Variants in RASSF3 observed in about 807,000 individuals in gnomAD.
RASSF3 encodes the protein ras association domain-containing protein 3.
Under a neutral mutation model 19.9 loss-of-function variants are expected in RASSF3, and 19 were observed. The ratio of observed to expected loss-of-function variants is 0.96; its 90% CI spans 0.67 to 1.40. The LOEUF (loss-of-function observed/expected upper bound fraction) is 1.40, where lower values mean the gene tolerates loss of function less well. RASSF3 is among the 40% of genes most tolerant of loss of function. The probability of loss-of-function intolerance (pLI) is 0.00; values close to 1 mark genes in which losing one functional copy is unlikely to be tolerated. For missense variants in RASSF3, 306 were observed against 289.8 expected (o/e 1.06, Z -0.41); for synonymous variants, 110 against 104.2 (o/e 1.06, Z -0.34).
chr12:64,583,030 G>T (rs1869729834), intron 2 of RASSF3, among the ~76,000 whole-genome samples: 2 of 152,188 alleles, frequency 1.3e-5, no homozygotes, highest in South Asian at 4.1e-4. Flanking sequence ...AGAGAGCCCT[G>T]TACCTTTTGT....
At chr12:64,638,209 T>G (rs574731792) in intron 1 of RASSF3, among the ~76,000 whole-genome samples, 15 of 152,340 alleles carry the variant, frequency 9.8e-5, no homozygotes, top group African/African-American at 3.6e-4. Context: ...TTGTAAATAT[T>G]AATTTATTGA....
chr12:64,513,170 T>A (rs1868338504), intron 1 of RASSF3, among the ~76,000 whole-genome samples: 1 of 151,798 alleles, frequency 6.6e-6, no homozygotes, highest in African/African-American at 2.4e-5. Flanking sequence ...TCAGGCTGGG[T>A]GCAGTGGCTC....
intron 2 of RASSF3, 38 bp from the exon 3 acceptor site, chr12:64,688,178 T>C (rs370507483): frequency 4.1e-6 from 6 of 1,445,964 alleles, no homozygotes; most frequent in African/African-American, 1.4e-5. Flanking sequence ...AGTGCCACCA[T>C]CCACCCAGCT....
intron 1 of RASSF3, among the ~76,000 whole-genome samples, chr12:64,627,267 C>A (rs1871028401): frequency 6.6e-6 from 1 of 152,178 alleles, no homozygotes; most frequent in Admixed American, 6.5e-5. Context: ...TATTCTCCAT[C>A]TCTTCTATGT....
intron 1 of RASSF3, among the ~76,000 whole-genome samples, chr12:64,675,348 CA>C (rs1292508855): frequency 6.6e-6 from 1 of 152,020 alleles, no homozygotes; most frequent in African/African-American, 2.4e-5. Flanking sequence ...TGGGGTTTCG[CA>C]ATGTTGCCCA....
At chr12:64,672,703 G>A (rs1354666096) in intron 1 of RASSF3, among the ~76,000 whole-genome samples, 1 of 152,026 alleles carries the variant, frequency 6.6e-6, no homozygotes, top group African/African-American at 2.4e-5. Flanking sequence ...TCAGACGGTG[G>A]GGAGGCTCTT....
At chr12:64,516,841 A>G (rs940178852) in intron 1 of RASSF3, among the ~76,000 whole-genome samples, 6 of 151,630 alleles carry the variant, frequency 4.0e-5, no homozygotes, top group Non-Finnish European at 7.4e-5. Context: ...CTCTACTTAA[A>G]AGACAAAATT....
At chr12:64,585,763 C>G (rs575251240) in intron 2 of RASSF3, among the ~76,000 whole-genome samples, 1 of 151,958 alleles carries the variant, frequency 6.6e-6, no homozygotes, top group Non-Finnish European at 1.5e-5. Flanking sequence ...TGCCAGCAAG[C>G]CTGGTTAATT....
chr12:64,614,720 T>C (rs1392358720), intron 1 of RASSF3, among the ~76,000 whole-genome samples: 1 of 144,966 alleles, frequency 6.9e-6, no homozygotes, highest in African/African-American at 2.6e-5. Context: ...TTTTTTGAGA[T>C]AGATTCTTAC....
At chr12:64,636,825 A>G (rs1363798514) in intron 1 of RASSF3, among the ~76,000 whole-genome samples, 1 of 149,540 alleles carries the variant, frequency 6.7e-6, no homozygotes. Flanking sequence ...AAATCGCGCC[A>G]TTGCACTCCA....
chr12:64,553,235 G>T (rs1157515153), intron 2 of RASSF3, among the ~76,000 whole-genome samples: 2 of 152,104 alleles, frequency 1.3e-5, no homozygotes, highest in East Asian at 3.9e-4. Context: ...CGGTAACTTT[G>T]TTAATATCAT....
intron 1 of RASSF3, among the ~76,000 whole-genome samples, chr12:64,533,995 A>C (rs1391433754): frequency 1.3e-5 from 2 of 152,264 alleles, no homozygotes; most frequent in Non-Finnish European, 2.9e-5. Flanking sequence ...AATGTGGCTC[A>C]TGCCTGTAAT....
At chr12:64,666,628 ATACTT>A (rs1481076913) in intron 1 of RASSF3, among the ~76,000 whole-genome samples, 8 of 152,194 alleles carry the variant, frequency 5.3e-5, no homozygotes, top group Non-Finnish European at 8.8e-5. Flanking sequence ...TTCTAACAGA[ATACTT>A]TACAAAGCAG....
chr12:64,694,924 C>T lies in RASSF3; in HGVS notation c.*12C>T, dbSNP rs201698368. 104 of 1,613,190 alleles carry T rather than the reference C, an allele frequency of 6.4e-5. 2 individuals carry two copies. The Middle Eastern group carries it at 4.1e-3, about 64-fold the overall frequency. On this transcript the variant is annotated 3_prime_UTR_variant, in exon 5 of 5. Transcript: ENST00000542104. Reference sequence around the variant, plus strand: ...GGAAGCCTGATTAAAGCGGGGCTCCCTGCCCGTGAGGCCCGGTGCAGGACC... The same window carrying T: ...GGAAGCCTGATTAAAGCGGGGCTCCTTGCCCGTGAGGCCCGGTGCAGGACC...
chr12:64,576,967 G>A (rs1045022627), intron 2 of RASSF3, among the ~76,000 whole-genome samples: 11 of 152,036 alleles, frequency 7.2e-5, no homozygotes, highest in African/African-American at 2.4e-4. Flanking sequence ...TGGAAAATAT[G>A]AGTGCATCAG....
At chr12:64,598,006 C>T (rs2136143786) in intron 2 of RASSF3, among the ~76,000 whole-genome samples, 1 of 152,270 alleles carries the variant, frequency 6.6e-6, no homozygotes, top group Non-Finnish European at 1.5e-5. Flanking sequence ...CAACCTCTGC[C>T]TCCCGGGTTC....
intron 1 of RASSF3, among the ~76,000 whole-genome samples, chr12:64,629,137 C>G (rs1871087179): frequency 6.6e-6 from 1 of 150,980 alleles, no homozygotes; most frequent in Non-Finnish European, 1.5e-5. Context: ...AGGTCTCACT[C>G]TGTCGTCCAG....
intron 1 of RASSF3, among the ~76,000 whole-genome samples, chr12:64,517,310 C>T (rs113485597): frequency 2.6e-4 from 7 of 26,772 alleles, no homozygotes; most frequent in Non-Finnish European, 6.2e-4. Context: ...TTAATTCCTC[C>T]CCCCCCCCAC....
intron 1 of RASSF3, among the ~76,000 whole-genome samples, chr12:64,656,435 G>A (rs973748905): frequency 2.0e-5 from 3 of 152,182 alleles, no homozygotes; most frequent in African/African-American, 7.2e-5. Flanking sequence ...TTTATGTTAT[G>A]TGAGTTATAT....
Sources: gnomAD v4.1 joint callset for allele counts (sites outside exome capture counted in the v4.1 genomes callset) on GRCh38, gnomAD v4.1.1 for gene constraint, MANE v1.5 for transcripts, NCBI Gene and HGNC (gene_info 2026-07-23, HGNC 2026-07-21) for gene names.